The following P2RY14 variants were observed in gnomAD, a reference collection of about 807,000 sequenced individuals.
P2RY14 encodes the protein purinergic receptor P2Y14.
Under a neutral mutation model 0.9 loss-of-function variants are expected in P2RY14, and 2 were observed. The ratio of observed to expected loss-of-function variants is 2.16; its 90% CI spans 0.88 to 6.79. The LOEUF is 6.79. Ranked by LOEUF, P2RY14 falls within the 30% of genes most tolerant of loss-of-function variation. The pLI is 0.05. For missense variants in P2RY14, 378 were observed against 400.1 expected (o/e 0.94, Z 0.47); for synonymous variants, 158 against 147.2 (o/e 1.07, Z -0.53).
At chr3:151,218,037 A>G (rs1418219498) in intron 2 of P2RY14, among the ~76,000 whole-genome samples, 1 of 152,144 alleles carries the variant, frequency 6.6e-6, no homozygotes, top group Non-Finnish European at 1.5e-5. Flanking sequence ...CGTGATATCT[A>G]CTCAGTCTCC....
At chr3:151,276,175 A>C (rs1741821897) in intron 1 of P2RY14, among the ~76,000 whole-genome samples, 1 of 152,238 alleles carries the variant, frequency 6.6e-6, no homozygotes, top group Non-Finnish European at 1.5e-5. Context: ...TGTGCAACAG[A>C]ATTACCTGGA....
At chr3:151,256,868 T>A (rs1277626583) in intron 1 of P2RY14, among the ~76,000 whole-genome samples, 3 of 151,844 alleles carry the variant, frequency 2.0e-5, no homozygotes, top group Non-Finnish European at 4.4e-5. Flanking sequence ...TTGTTGTTTT[T>A]TTTTTTAAAT....
intron 1 of P2RY14, among the ~76,000 whole-genome samples, chr3:151,273,353 G>T (rs1741306046): frequency 6.8e-6 from 1 of 147,630 alleles, no homozygotes; most frequent in African/African-American, 2.5e-5. Context: ...TCAGCCTCCT[G>T]AGTAGCTGGG....
chr3:151,267,113 A>G (rs892275031), intron 1 of P2RY14, among the ~76,000 whole-genome samples: 6 of 152,220 alleles, frequency 3.9e-5, no homozygotes, highest in Non-Finnish European at 7.3e-5. Context: ...AACTCCTTAC[A>G]TTCTTGAAGT....
intron 1 of P2RY14, among the ~76,000 whole-genome samples, chr3:151,268,792 C>G (rs927051970): frequency 1.3e-5 from 2 of 152,148 alleles, no homozygotes; most frequent in African/African-American, 4.8e-5. Flanking sequence ...ATCAAGGAAG[C>G]AATTTAAGAT....
chr3:151,248,864 C>G (rs940048866), intron 1 of P2RY14: 2 of 152,104 alleles, frequency 1.3e-5, no homozygotes, highest in South Asian at 2.1e-4. Flanking sequence ...TTCTTACTTA[C>G]CAATTTTTCC....
At chr3:151,274,996 G>A (rs1350334639) in intron 1 of P2RY14, among the ~76,000 whole-genome samples, 1 of 152,160 alleles carries the variant, frequency 6.6e-6, no homozygotes, top group African/African-American at 2.4e-5. Flanking sequence ...CCTTGTGTGA[G>A]CTCTCCTACC....
Position 151,213,510 on chromosome 3 carries a change from T to C in P2RY14, c.807A>G (p.Ser269=). 6.2e-7 allele frequency: 1 copy of C among 1,614,204 alleles called. No homozygotes were observed. Among genetic ancestry groups the C allele is most frequent in the Non-Finnish European group, 8.5e-7 (1 of 1,180,018 alleles). The change falls in exon 3 of 3, where the codon TCA becomes TCG. Residue 269 remains serine (S), a synonymous_variant. Transcript: ENST00000309170. ...CTTTCATATACCGCAAGATTTCTTTTGACTGGCAGCTGTAATGAGCTTCGG... is the reference window on the plus strand; with the variant it reads ...CTTTCATATACCGCAAGATTTCTTTCGACTGGCAGCTGTAATGAGCTTCGG... The part of the protein sequence containing the change: ...SQTEAHYSCQ[S]KEILRYMKEF...
chr3:151,248,969 C>G (rs889009494), intron 1 of P2RY14: 1 of 152,144 alleles, frequency 6.6e-6, no homozygotes, highest in African/African-American at 2.4e-5. Context: ...CTGGACTGCT[C>G]GTGTTGACCA....
At chr3:151,264,853 C>G (rs1302793930) in intron 1 of P2RY14, among the ~76,000 whole-genome samples, 1 of 152,192 alleles carries the variant, frequency 6.6e-6, no homozygotes, top group Non-Finnish European at 1.5e-5. Context: ...ACATGACCAG[C>G]TGGCCCTGCC....
chr3:151,263,072 C>T (rs2149508391), intron 1 of P2RY14, among the ~76,000 whole-genome samples: 1 of 152,182 alleles, frequency 6.6e-6, no homozygotes, highest in Middle Eastern at 3.4e-3. Flanking sequence ...GGAAGAGACC[C>T]ATGTAGGAGT....
At position 151,223,283 on chromosome 3, in the gene P2RY14, G is replaced by C. The variant is rs1269070790; in HGVS notation, c.-132-3641C>G. Among the ~76,000 whole-genome samples, 68 of 151,266 alleles carry C rather than the reference G, an allele frequency of 4.5e-4. 1 individual carries two copies. Among genetic ancestry groups the C allele is most frequent in the Non-Finnish European group, 5.9e-5 (4 of 67,936 alleles). ...CAGTCCCTATTGAAAGCAGTGTAGAGATTTCTCAAAGAACTAAACATAAAA... is the reference window on the plus strand; with the variant it reads ...CAGTCCCTATTGAAAGCAGTGTAGACATTTCTCAAAGAACTAAACATAAAA... On this transcript the variant is annotated intron_variant, in intron 1 of 2. Coordinates refer to ENST00000309170, the MANE Select transcript of P2RY14 (RefSeq NM_014879.4).
At chr3:151,246,971 A>G (rs2149422129) in intron 1 of P2RY14, among the ~76,000 whole-genome samples, 1 of 152,326 alleles carries the variant, frequency 6.6e-6, no homozygotes, top group Middle Eastern at 3.4e-3. Flanking sequence ...ACACGAACAG[A>G]CACTTCTCAA....
At chr3:151,218,906 G>A (rs1436572956) in intron 2 of P2RY14, among the ~76,000 whole-genome samples, 2 of 147,028 alleles carry the variant, frequency 1.4e-5, no homozygotes, top group Non-Finnish European at 3.0e-5. Context: ...AAGAGGGGGG[G>A]TATACTGTAA....
At chr3:151,251,473 T>C (rs537661595) in intron 1 of P2RY14, among the ~76,000 whole-genome samples, 1 of 152,202 alleles carries the variant, frequency 6.6e-6, no homozygotes, top group East Asian at 1.9e-4. Flanking sequence ...TCAATCTGCC[T>C]CCCACCCACA....
At chr3:151,271,361 A>G (rs1559965398) in intron 1 of P2RY14, among the ~76,000 whole-genome samples, 1 of 152,190 alleles carries the variant, frequency 6.6e-6, no homozygotes, top group Non-Finnish European at 1.5e-5. Flanking sequence ...AATGTTAAGA[A>G]TTGACGAGGA....
intron 1 of P2RY14, among the ~76,000 whole-genome samples, chr3:151,237,193 C>T (rs370542645): frequency 5.3e-5 from 8 of 151,806 alleles, no homozygotes; most frequent in African/African-American, 1.7e-4. Flanking sequence ...TGCATGCCAC[C>T]ACGCCCAGCT....
chr3:151,267,142 T>G (rs1462224498), intron 1 of P2RY14, among the ~76,000 whole-genome samples: 1 of 152,206 alleles, frequency 6.6e-6, no homozygotes, highest in Non-Finnish European at 1.5e-5. Context: ...TTTTGACTGT[T>G]TACAGGAACT....
chr3:151,219,898 C>T (rs1401632637), intron 1 of P2RY14, among the ~76,000 whole-genome samples: 2 of 138,266 alleles, frequency 1.4e-5, no homozygotes, highest in Non-Finnish European at 3.1e-5. Context: ...ATTACCCCCC[C>T]CCCCCCCTTG....
Sources: gnomAD v4.1 joint callset for allele counts (sites outside exome capture counted in the v4.1 genomes callset) on GRCh38, gnomAD v4.1.1 for gene constraint, MANE v1.5 for transcripts, NCBI Gene and HGNC (gene_info 2026-07-23, HGNC 2026-07-21) for gene names.